Variants in SLC41A2 observed in about 807,000 individuals in gnomAD.
SLC41A2 encodes solute carrier family 41 member 2, also known as SLC41A1-like 1.
Under a neutral mutation model 58.3 loss-of-function variants are expected in SLC41A2, and 32 were observed. That is an observed-to-expected ratio of 0.55 (90% CI 0.41 to 0.74). The LOEUF (loss-of-function observed/expected upper bound fraction) is 0.74, where lower values mean the gene tolerates loss of function less well. Ranked by LOEUF, SLC41A2 falls within the 30% of genes least tolerant of loss-of-function variation. The pLI, the probability that SLC41A2 is intolerant of heterozygous loss-of-function variation, is 0.00. For missense variants in SLC41A2, 514 were observed against 680.6 expected (o/e 0.76, Z 2.72); for synonymous variants, 190 against 235.0 (o/e 0.81, Z 1.75).
intron 10 of SLC41A2, among the ~76,000 whole-genome samples, chr12:104,814,019 G>A (rs2468093): frequency 0.58 from 88,365 of 152,020 alleles, 26,115 homozygotes; most frequent in African/African-American, 0.66. Context: ...AGGGTATTTC[G>A]TAAAACTTTT....
intron 10 of SLC41A2, among the ~76,000 whole-genome samples, chr12:104,840,249 G>A (rs75191704): frequency 1.3e-5 from 2 of 152,174 alleles, no homozygotes; most frequent in African/African-American, 2.4e-5. Context: ...TGGAGCATCC[G>A]AGTAAGTAGA....
chr12:104,889,792 A>G (rs1318416227), intron 4 of SLC41A2, among the ~76,000 whole-genome samples: 1 of 152,192 alleles, frequency 6.6e-6, no homozygotes, highest in Non-Finnish European at 1.5e-5. Context: ...GATTAGTGCT[A>G]TGAAAATTTC....
At chr12:104,908,172 G>A (rs938394073) in intron 3 of SLC41A2, among the ~76,000 whole-genome samples, 2 of 152,160 alleles carry the variant, frequency 1.3e-5, no homozygotes, top group African/African-American at 4.8e-5. Context: ...GGCTGAGGCA[G>A]GAGAATTGCT....
chr12:104,842,207 C>T (rs2042435701), intron 10 of SLC41A2, among the ~76,000 whole-genome samples: 1 of 151,946 alleles, frequency 6.6e-6, no homozygotes, highest in East Asian at 1.9e-4. Flanking sequence ...AGATCTTTTA[C>T]CTAAACCTTA....
chr12:104,914,711 A>C lies in SLC41A2; in HGVS notation c.556-4949T>G, dbSNP rs1301464521. Among the ~76,000 whole-genome samples the C allele has an allele frequency of 2.6e-5, 4 of 152,214 alleles. No individual in the cohort carries two copies. The East Asian group carries it at 5.8e-4, about 22-fold the overall frequency. ...AGGGCTCTAGAGTCAGATCACCTTC[A>C]CTGAAATTCTGACTCTACTACTTAC... On this transcript the variant is annotated intron_variant, in intron 2 of 10. Transcript: ENST00000258538.
intron 10 of SLC41A2, among the ~76,000 whole-genome samples, chr12:104,831,779 T>C (rs2042045868): frequency 6.6e-6 from 1 of 152,140 alleles, no homozygotes; most frequent in South Asian, 2.1e-4. Context: ...ATATCTAACA[T>C]AGAAAACAGT....
At chr12:104,904,089 T>G (rs568812387) in intron 3 of SLC41A2, among the ~76,000 whole-genome samples, 1 of 152,328 alleles carries the variant, frequency 6.6e-6, no homozygotes, top group Admixed American at 6.5e-5. Flanking sequence ...CAGCATTTTG[T>G]TTTTTAACCA....
In SLC41A2 at chr12:104,844,510, T is replaced by C; in HGVS notation, c.1498A>G (p.Ile500Val). 1 of 1,561,302 alleles carries C rather than the reference T, an allele frequency of 6.4e-7. No individual in the cohort carries two copies. The highest frequency in any genetic ancestry group is 8.6e-7 in the Non-Finnish European group (1 of 1,156,874). The change falls in exon 10 of 11, where the codon ATC (isoleucine) becomes GTC (valine). Residue 500 changes from isoleucine to valine, a missense_variant. Ile to Val is a conservative substitution (Grantham distance 29). This residue lies in a region of SLC41A2 where 128 missense variants were observed against 146.0 expected (regional missense o/e 0.88). Transcript: ENST00000258538. ...MKSGHTSLTI[I>V]FIVVYLFGAV... ...CCAAATAAATACACTACTATGAAGA[T>C]TATAGTTAAAGAAGTATGACCACTT...
intron 1 of SLC41A2, among the ~76,000 whole-genome samples, chr12:104,932,742 CAACT>C (rs1837825278): frequency 6.7e-6 from 1 of 150,264 alleles, no homozygotes. Flanking sequence ...CAAATACAAC[CAACT>C]GATATTCAAG....
intron 3 of SLC41A2, among the ~76,000 whole-genome samples, chr12:104,895,904 G>T (rs2045259594): frequency 6.6e-6 from 1 of 152,054 alleles, no homozygotes; most frequent in African/African-American, 2.4e-5. Flanking sequence ...CTGCTAAATG[G>T]AAGAACACTC....
At chr12:104,819,968 T>C (rs2041562065) in intron 10 of SLC41A2, among the ~76,000 whole-genome samples, 1 of 152,242 alleles carries the variant, frequency 6.6e-6, no homozygotes, top group African/African-American at 2.4e-5. Context: ...GTAGTAGTTG[T>C]GTTAAGTTTC....
intron 2 of SLC41A2, among the ~76,000 whole-genome samples, chr12:104,918,734 A>T (rs929537431): frequency 6.6e-6 from 1 of 151,764 alleles, no homozygotes; most frequent in African/African-American, 2.4e-5. Flanking sequence ...TTACTCTTTC[A>T]TACTGCTTAA....
At chr12:104,908,092 C>T (rs953008141) in intron 3 of SLC41A2, among the ~76,000 whole-genome samples, 10 of 151,994 alleles carry the variant, frequency 6.6e-5, no homozygotes, top group African/African-American at 2.4e-4. Flanking sequence ...TGGTGAAACC[C>T]CGTCTCTACT....
chr12:104,928,599 G>A lies in SLC41A2; in HGVS notation c.-72C>T, dbSNP rs944053681. Reference sequence around the variant, plus strand: ...GAACCACAGCAGATGAATCAGAACCGCACAAACACTGGTTTAAATTAAGTT... The same window carrying A: ...GAACCACAGCAGATGAATCAGAACCACACAAACACTGGTTTAAATTAAGTT... On this transcript the variant is annotated 5_prime_UTR_variant, in exon 2 of 11. Coordinates refer to ENST00000258538, the MANE Select transcript of SLC41A2 (RefSeq NM_001352171.3). 149 of 864,794 alleles carry A rather than the reference G, an allele frequency of 1.7e-4. No homozygotes were observed. In the Middle Eastern group the frequency reaches 2.2e-3, roughly 13 times the overall value. 53.6% of individuals were successfully genotyped at this position (864,794 alleles called of 1,614,324 possible). A position where few individuals can be genotyped will look rare whatever the true frequency, so the allele number is the denominator to read the frequency against.
At chr12:104,926,606 A>T (rs145405731) in intron 2 of SLC41A2, among the ~76,000 whole-genome samples, 1 of 152,108 alleles carries the variant, frequency 6.6e-6, no homozygotes, top group African/African-American at 2.4e-5. Context: ...TAAAAAAAAA[A>T]AGAGAATACC....
chr12:104,956,641 T>C (rs1159936203), intron 1 of SLC41A2, among the ~76,000 whole-genome samples: 2 of 152,160 alleles, frequency 1.3e-5, no homozygotes, highest in Non-Finnish European at 2.9e-5. Flanking sequence ...ATTGTGCCAC[T>C]GCACTCCAGC....
At chr12:104,880,850 T>A (rs1262195872) in intron 6 of SLC41A2, among the ~76,000 whole-genome samples, 1 of 152,200 alleles carries the variant, frequency 6.6e-6, no homozygotes, top group African/African-American at 2.4e-5. Context: ...TAGGGAGGAT[T>A]CTCTCTTTTC....
intron 8 of SLC41A2, among the ~76,000 whole-genome samples, chr12:104,847,476 G>T (rs748901450): frequency 6.6e-6 from 1 of 151,472 alleles, no homozygotes; most frequent in Non-Finnish European, 1.5e-5. Flanking sequence ...GTGGTGGCGC[G>T]TGCCTGTAAT....
rs1451988314 is a variant in SLC41A2 at position 104,804,865 on chromosome 12, CACTGTAA to C, written c.*280_*286del. On this transcript the variant is annotated 3_prime_UTR_variant, in exon 11 of 11. Transcript: ENST00000258538. ...CTATGTTTGTGGTTTTAAAATTATT[CACTGTAA>C]ACATCCTATATTCTTTCCTAATTAA... is the stretch of plus-strand genomic sequence containing the variant. 3.5e-5 allele frequency: 7 copies of C among 200,106 alleles called. No individual in the cohort carries two copies. In the East Asian group the frequency reaches 5.8e-4, roughly 17 times the overall value. The allele number at this position is 200,106 out of a possible 1,614,324, so 12.4% of individuals were successfully genotyped here.
Sources: allele counts gnomAD v4.1 joint callset (sites outside exome capture counted in the v4.1 genomes callset), GRCh38; gene constraint gnomAD v4.1.1; regional missense constraint gnomAD v4.1.1; transcripts MANE v1.5; gene names NCBI Gene and HGNC (gene_info 2026-07-23, HGNC 2026-07-21).